The following LRRC4C variants were observed in gnomAD, a reference collection of about 807,000 sequenced individuals.
The protein encoded by LRRC4C is leucine rich repeat containing 4C.
A neutral mutation model predicts 33.6 loss-of-function variants in LRRC4C; 5 were observed. That is an observed-to-expected ratio of 0.15 (90% CI 0.08 to 0.31). LRRC4C has a LOEUF of 0.31. LRRC4C is among the 10% of genes least tolerant of loss of function. The probability of loss-of-function intolerance (pLI) is 1.00; values close to 1 mark genes in which losing one functional copy is unlikely to be tolerated. For missense variants in LRRC4C, 560 were observed against 796.7 expected (o/e 0.70, Z 3.58); for synonymous variants, 329 against 302.0 (o/e 1.09, Z -0.93).
chr11:40,909,265 T>G (rs1956561271), intron 2 of LRRC4C, among the ~76,000 whole-genome samples: 1 of 152,140 alleles, frequency 6.6e-6, no homozygotes, highest in Admixed American at 6.5e-5. Flanking sequence ...AAACTTTCCA[T>G]TGTGATTTTA....
At chr11:41,092,087 T>C (rs1027749276) in intron 1 of LRRC4C, among the ~76,000 whole-genome samples, 1 of 152,210 alleles carries the variant, frequency 6.6e-6, no homozygotes, top group East Asian at 1.9e-4. Flanking sequence ...TTTTTTACAA[T>C]AAAAACGTAT....
intron 3 of LRRC4C, among the ~76,000 whole-genome samples, chr11:40,407,022 T>A (rs1161374021): frequency 6.6e-6 from 1 of 152,024 alleles, no homozygotes; most frequent in Non-Finnish European, 1.5e-5. Flanking sequence ...GCAAAGGCAT[T>A]TTTTTTGTCC....
intron 2 of LRRC4C, among the ~76,000 whole-genome samples, chr11:40,899,925 T>C (rs1180689040): frequency 1.1e-4 from 17 of 152,202 alleles, no homozygotes; most frequent in Admixed American, 9.8e-4. Flanking sequence ...AAAATTAAAA[T>C]GTATGTGTCT....
chr11:40,665,322 AAAAATATAT>A (rs1247537183), intron 2 of LRRC4C, among the ~76,000 whole-genome samples: 9 of 12,022 alleles, frequency 7.5e-4, no homozygotes, highest in Admixed American at 1.4e-3. Flanking sequence ...AAAAAAAAAA[AAAAATATAT>A]ATATATATAT....
At chr11:40,510,158 ATATATG>A (rs1283824477) in intron 3 of LRRC4C, among the ~76,000 whole-genome samples, 1 of 150,006 alleles carries the variant, frequency 6.7e-6, no homozygotes, top group Non-Finnish European at 1.5e-5. Context: ...TGCAATCAAT[ATATATG>A]TATATTTATT....
intron 1 of LRRC4C, among the ~76,000 whole-genome samples, chr11:41,364,181 T>C (rs992798524): frequency 6.6e-6 from 1 of 152,214 alleles, no homozygotes; most frequent in South Asian, 2.1e-4. Flanking sequence ...CTGCTCATTA[T>C]CCAGCAAATA....
chr11:40,963,883 C>T (rs1179714313), intron 1 of LRRC4C, among the ~76,000 whole-genome samples: 1 of 151,696 alleles, frequency 6.6e-6, no homozygotes, highest in Admixed American at 6.6e-5. Flanking sequence ...GCAATGTCTT[C>T]TTAGTTTTAC....
chr11:40,735,806 C>T (rs942907806), intron 2 of LRRC4C, among the ~76,000 whole-genome samples: 1 of 150,374 alleles, frequency 6.7e-6, no homozygotes, highest in Non-Finnish European at 1.5e-5. Context: ...TTCTCCACAT[C>T]CTCTCCAGCA....
intron 5 of LRRC4C, among the ~76,000 whole-genome samples, chr11:40,225,159 T>C (rs1864692984): frequency 6.6e-6 from 1 of 152,146 alleles, no homozygotes; most frequent in African/African-American, 2.4e-5. Context: ...TGAATATTCC[T>C]AGAGAAACAG....
chr11:41,019,587 A>T (rs1014251421), intron 1 of LRRC4C, among the ~76,000 whole-genome samples: 2 of 152,110 alleles, frequency 1.3e-5, no homozygotes, highest in Non-Finnish European at 2.9e-5. Context: ...ATCCTTGAGG[A>T]ATCACCACAC....
At chr11:40,725,024 T>C (rs975278538) in intron 2 of LRRC4C, among the ~76,000 whole-genome samples, 3 of 152,144 alleles carry the variant, frequency 2.0e-5, no homozygotes, top group Non-Finnish European at 4.4e-5. Flanking sequence ...AGCTGACCCA[T>C]GTAATGCAGG....
chr11:40,399,917 A>G (rs1949697258), intron 3 of LRRC4C, among the ~76,000 whole-genome samples: 1 of 152,140 alleles, frequency 6.6e-6, no homozygotes, highest in African/African-American at 2.4e-5. Flanking sequence ...TACACAGTTA[A>G]CTGACAGAGC....
chr11:40,270,279 G>T (rs1481781421), intron 4 of LRRC4C, among the ~76,000 whole-genome samples: 1 of 152,138 alleles, frequency 6.6e-6, no homozygotes, highest in Admixed American at 6.6e-5. Flanking sequence ...TCAGAGACTA[G>T]AAGTCCAAGA....
At chr11:41,094,699 T>C (rs1329833248) in intron 1 of LRRC4C, among the ~76,000 whole-genome samples, 1 of 152,210 alleles carries the variant, frequency 6.6e-6, no homozygotes, top group East Asian at 1.9e-4. Context: ...TCTTTATGTT[T>C]TTCACATTAA....
intron 2 of LRRC4C, among the ~76,000 whole-genome samples, chr11:40,925,047 G>A (rs1957357342): frequency 1.3e-5 from 2 of 152,110 alleles, no homozygotes; most frequent in Admixed American, 1.3e-4. Context: ...CTTCCAGGGA[G>A]AGAGCAAATG....
Position 40,114,942 on chromosome 11 carries a change from AAGG to A in LRRC4C, c.1348_1350del (p.Pro450del), listed in dbSNP as rs1198484524. On this transcript the variant is annotated inframe_deletion, in exon 7 of 7. Coordinates refer to ENST00000528697, the MANE Select transcript of LRRC4C (RefSeq NM_001258419.2). ...ACTGTGACGGTTGAAAAGTAAGAGA[AAGG>A]AGTAGTGGTTGCTGCAGTAACATTC... The A allele has an allele frequency of 6.2e-7, 1 of 1,614,148 alleles. No homozygotes were observed. The highest frequency in any genetic ancestry group is 2.2e-5 in the East Asian group (1 of 44,874).
intron 1 of LRRC4C, among the ~76,000 whole-genome samples, chr11:41,336,382 T>C (rs1266679135): frequency 6.6e-6 from 1 of 151,828 alleles, no homozygotes; most frequent in African/African-American, 2.4e-5. Flanking sequence ...ATGCAAACCC[T>C]TCTCCTTCAA....
At chr11:40,369,213 A>G (rs991584554) in intron 3 of LRRC4C, among the ~76,000 whole-genome samples, 1 of 152,140 alleles carries the variant, frequency 6.6e-6, no homozygotes, top group Admixed American at 6.5e-5. Flanking sequence ...TATATGAGAT[A>G]GGGGTTGGAA....
At chr11:40,976,474 A>G (rs796498285) in intron 1 of LRRC4C, among the ~76,000 whole-genome samples, 36 of 152,328 alleles carry the variant, frequency 2.4e-4, no homozygotes, top group African/African-American at 8.2e-4. Context: ...AGTGTTTGTC[A>G]CCAGCGTGAT....
Sources: allele counts gnomAD v4.1 joint callset (sites outside exome capture counted in the v4.1 genomes callset), GRCh38; gene constraint gnomAD v4.1.1; transcripts MANE v1.5; gene names NCBI Gene and HGNC (gene_info 2026-07-23, HGNC 2026-07-21).